GLG1: variants seen among roughly 807,000 people sequenced by gnomAD.
GLG1 encodes golgi glycoprotein 1.
Under a neutral mutation model 160.5 loss-of-function variants are expected in GLG1, and 38 were observed. The ratio of observed to expected loss-of-function variants is 0.24; its 90% CI spans 0.18 to 0.31. GLG1 has a LOEUF of 0.31. Ranked by LOEUF, GLG1 falls within the 10% of genes least tolerant of loss-of-function variation. The pLI is 1.00. For synonymous variants in GLG1, 644 were observed against 543.4 expected (o/e 1.19, Z -2.57); for missense variants, 1,373 against 1,505.2 (o/e 0.91, Z 1.45).
chr16:74,567,187 G>A (rs78903902), intron 1 of GLG1, among the ~76,000 whole-genome samples: 1 of 151,176 alleles, frequency 6.6e-6, no homozygotes, highest in South Asian at 2.1e-4. Context: ...TGTGTGGGGG[G>A]TGTAGGGAGC....
chr16:74,490,167 T>A (rs1456329915), intron 8 of GLG1, among the ~76,000 whole-genome samples: 2 of 152,170 alleles, frequency 1.3e-5, no homozygotes, highest in East Asian at 1.9e-4. Context: ...AAGACTCCTA[T>A]CCAGTAAAAA....
At chr16:74,554,415 C>G (rs549272646) in intron 1 of GLG1, among the ~76,000 whole-genome samples, 1 of 152,154 alleles carries the variant, frequency 6.6e-6, no homozygotes, top group East Asian at 1.9e-4. Flanking sequence ...GCGCCTGTAA[C>G]CCCAGGTACT....
intron 3 of GLG1, among the ~76,000 whole-genome samples, chr16:74,504,153 T>C (rs2016514317): frequency 6.6e-6 from 1 of 152,120 alleles, no homozygotes; most frequent in South Asian, 2.1e-4. Context: ...GAGGAAGATT[T>C]GACAAACAGG....
At chr16:74,546,190 G>C (rs1472146728) in intron 1 of GLG1, among the ~76,000 whole-genome samples, 1 of 152,142 alleles carries the variant, frequency 6.6e-6, no homozygotes, top group Non-Finnish European at 1.5e-5. Flanking sequence ...TGTAATCTCA[G>C]CACTCTGGGA....
At chr16:74,552,160 C>T in intron 1 of GLG1, 1 of 365,428 alleles carries the variant, frequency 2.7e-6, no homozygotes, top group Non-Finnish European at 5.4e-6. Context: ...GGATTAGCAT[C>T]TCTTCCTTCA....
At chr16:74,504,001 T>A (rs1026913090) in intron 3 of GLG1, among the ~76,000 whole-genome samples, 2 of 152,184 alleles carry the variant, frequency 1.3e-5, no homozygotes, top group African/African-American at 2.4e-5. Context: ...TGCAAAAGAA[T>A]ACCTACATAT....
At chr16:74,560,671 G>A (rs999388470) in intron 1 of GLG1, among the ~76,000 whole-genome samples, 1 of 152,092 alleles carries the variant, frequency 6.6e-6, no homozygotes, top group African/African-American at 2.4e-5. Flanking sequence ...CAAAGCTTAA[G>A]CAACTAATTG....
At chr16:74,469,136 G>C (rs542350223) in intron 16 of GLG1, 73 bp from the exon 17 acceptor site, 6 of 911,222 alleles carry the variant, frequency 6.6e-6, no homozygotes, top group African/African-American at 3.2e-5. Context: ...GGCTTGGGGG[G>C]GGTCACACCA....
chr16:74,602,908 T>C (rs1597390447), intron 1 of GLG1, among the ~76,000 whole-genome samples: 1 of 151,444 alleles, frequency 6.6e-6, no homozygotes, highest in African/African-American at 2.4e-5. Flanking sequence ...ATGCCTGTAA[T>C]CCAGCAGTTT....
intron 13 of GLG1, 175 bp from the exon 14 acceptor site, chr16:74,472,586 T>C (rs1480351614): frequency 1.3e-6 from 2 of 1,497,928 alleles, no homozygotes; most frequent in Non-Finnish European, 1.8e-6. Context: ...GAACTGCTCC[T>C]CCGTTATACT....
intron 1 of GLG1, among the ~76,000 whole-genome samples, chr16:74,596,906 C>G (rs1193846636): frequency 1.3e-5 from 2 of 152,066 alleles, no homozygotes; most frequent in Non-Finnish European, 2.9e-5. Context: ...TGCTTGAACT[C>G]AGGAGTTGGA....
chr16:74,469,791 T>C (rs1441642751), intron 16 of GLG1, 194 bp downstream of exon 16: 3 of 587,292 alleles, frequency 5.1e-6, no homozygotes, highest in African/African-American at 3.7e-5. Flanking sequence ...GGGACCTCCA[T>C]GTGAGAACTA....
At chr16:74,524,729 C>A (rs2017283695) in intron 2 of GLG1, among the ~76,000 whole-genome samples, 1 of 152,156 alleles carries the variant, frequency 6.6e-6, no homozygotes, top group African/African-American at 2.4e-5. Context: ...GGTTATACTA[C>A]TCTGTTGAGA....
At chr16:74,590,355 C>A (rs1444725977) in intron 1 of GLG1, among the ~76,000 whole-genome samples, 1 of 151,932 alleles carries the variant, frequency 6.6e-6, no homozygotes, top group Non-Finnish European at 1.5e-5. Flanking sequence ...CCATGGCTCA[C>A]GCCTGTAATC....
At chr16:74,490,969 C>A in intron 8 of GLG1, 32 bp downstream of exon 8, 1 of 1,465,568 alleles carries the variant, frequency 6.8e-7, no homozygotes, top group Non-Finnish European at 9.6e-7. Context: ...ATAAATGTGA[C>A]ATTCAAAATG....
intron 1 of GLG1, among the ~76,000 whole-genome samples, chr16:74,600,963 T>A (rs1295002723): frequency 6.6e-6 from 1 of 152,180 alleles, no homozygotes; most frequent in Non-Finnish European, 1.5e-5. Flanking sequence ...TGTCTTAAAG[T>A]ACTAGTGTCC....
At chr16:74,557,258 T>G (rs1233710733) in intron 1 of GLG1, among the ~76,000 whole-genome samples, 1 of 152,184 alleles carries the variant, frequency 6.6e-6, no homozygotes, top group Non-Finnish European at 1.5e-5. Flanking sequence ...TTGTTTGACT[T>G]TTGTAGATCT....
At chr16:74,465,318 G>C (rs751046603) in intron 19 of GLG1, among the ~76,000 whole-genome samples, 2 of 152,222 alleles carry the variant, frequency 1.3e-5, no homozygotes, top group Non-Finnish European at 2.9e-5. Flanking sequence ...GACTTTCTTA[G>C]TACAGCTACT....
Position 74,467,738 on chromosome 16 carries a change from A to G in GLG1, c.2529+18T>C, listed in dbSNP as rs1567461115. ...TTCACATTACTTTTACAATTACAAA[A>G]GAAAAGCAAAAAGTTACCTGAGCGT... is the stretch of plus-strand genomic sequence containing the variant. On this transcript the variant is annotated intron_variant, in intron 18 of 25. Transcript: ENST00000422840. The G allele has an allele frequency of 6.6e-7, 1 of 1,523,856 alleles. No homozygotes were observed. Among genetic ancestry groups the G allele is most frequent in the Non-Finnish European group, 9.1e-7 (1 of 1,101,726 alleles). 94.4% of individuals were successfully genotyped at this position (1,523,856 alleles called of 1,614,324 possible).
Sources: gnomAD v4.1 joint callset for allele counts (sites outside exome capture counted in the v4.1 genomes callset) on GRCh38, gnomAD v4.1.1 for gene constraint, MANE v1.5 for transcripts, NCBI Gene and HGNC (gene_info 2026-07-23, HGNC 2026-07-21) for gene names.